The following HERPUD2 variants were observed in gnomAD, a reference collection of about 807,000 sequenced individuals.
HERPUD2 encodes the protein HERPUD family member 2.
In HERPUD2, 13 loss-of-function variants were observed where a neutral mutation model predicts 49.9. That is an observed-to-expected ratio of 0.26 (90% CI 0.17 to 0.41). HERPUD2 has a LOEUF of 0.41. Ranked by LOEUF, HERPUD2 falls within the 10% of genes least tolerant of loss-of-function variation. The probability of loss-of-function intolerance (pLI) is 1.00; values close to 1 mark genes in which losing one functional copy is unlikely to be tolerated. For synonymous variants in HERPUD2, 172 were observed against 171.4 expected (o/e 1.00, Z -0.03); for missense variants, 449 against 492.2 (o/e 0.91, Z 0.83).
rs750774026 is a variant in HERPUD2 at position 35,667,538 on chromosome 7, C to T, written c.390G>A (p.Leu130=). The T allele has an allele frequency of 1.2e-6, 2 of 1,613,648 alleles. No homozygotes were observed. Among genetic ancestry groups the T allele is most frequent in the Non-Finnish European group, 1.7e-6 (2 of 1,179,638 alleles). The change falls in exon 5 of 9, where the codon TTG becomes TTA. Residue 130 remains leucine (L), a synonymous_variant. Transcript: ENST00000311350. ...CTGAGGAAGAACCCACAGCTAAAGA[C>T]AAGGTTTCTTGACCAGATGATGGAG... The part of the protein sequence containing the change: ...STTPSSGQET[L]SLAVGSSSEG...
intron 2 of HERPUD2, among the ~76,000 whole-genome samples, chr7:35,683,030 C>T (rs2116024444): frequency 6.6e-6 from 1 of 152,144 alleles, no homozygotes; most frequent in East Asian, 1.9e-4. Flanking sequence ...CAATTCCCAT[C>T]AAAATACCAC....
intron 5 of HERPUD2, among the ~76,000 whole-genome samples, chr7:35,645,951 A>G (rs1785048177): frequency 6.6e-6 from 1 of 152,176 alleles, no homozygotes; most frequent in African/African-American, 2.4e-5. Context: ...ACTCACATGT[A>G]TTACCTCTTA....
At chr7:35,686,136 A>C (rs1349887829) in intron 2 of HERPUD2, among the ~76,000 whole-genome samples, 2 of 152,030 alleles carry the variant, frequency 1.3e-5, no homozygotes, top group African/African-American at 4.8e-5. Context: ...GACTTGTAAA[A>C]AGTAATATAA....
rs557816262 is a variant in HERPUD2 at position 35,669,547 on chromosome 7, C to A, written c.339+668G>T. Among the ~76,000 whole-genome samples the A allele has an allele frequency of 2.4e-4, 37 of 152,132 alleles. 1 individual carries two copies. The highest frequency in any genetic ancestry group is 1.2e-3 in the Admixed American group (18 of 15,290). The stretch of plus-strand genomic sequence containing the variant: ...GTCATAGAAAGCTTTTATGGGAAAT[C>A]AAAAATAACATAAAAGGATTGGGGA... On this transcript the variant is annotated intron_variant, in intron 4 of 8. Transcript: ENST00000311350.
intron 7 of HERPUD2, 144 bp from the exon 8 acceptor site, chr7:35,634,573 G>C (rs781036334): frequency 2.6e-4 from 146 of 553,132 alleles, no homozygotes; most frequent in Admixed American, 1.2e-3. Flanking sequence ...TCAGGACAGG[G>C]AACTACCCTT....
At chr7:35,691,538 G>A (rs1786187197) in intron 2 of HERPUD2, among the ~76,000 whole-genome samples, 1 of 152,044 alleles carries the variant, frequency 6.6e-6, no homozygotes, top group Non-Finnish European at 1.5e-5. Context: ...TACTTACTGG[G>A]GCACTCCTGT....
intron 3 of HERPUD2, 86 bp from the exon 4 acceptor site, chr7:35,670,414 A>T: frequency 2.0e-5 from 10 of 500,072 alleles, no homozygotes; most frequent in Non-Finnish European, 3.1e-5. Flanking sequence ...AATACCTAAA[A>T]CTTAGGTCCC....
chr7:35,657,787 C>T (rs377243473), intron 5 of HERPUD2, among the ~76,000 whole-genome samples: 10 of 150,538 alleles, frequency 6.6e-5, no homozygotes, highest in Middle Eastern at 6.8e-3. Flanking sequence ...GGTGCTGTGG[C>T]GGGCGCCTGT....
chr7:35,683,102 C>T (rs1430893670), intron 2 of HERPUD2, among the ~76,000 whole-genome samples: 3 of 152,016 alleles, frequency 2.0e-5, no homozygotes, highest in Non-Finnish European at 4.4e-5. Context: ...AAAGAAGAGC[C>T]CACATAGCCA....
At chr7:35,687,260 A>T (rs953939211) in intron 2 of HERPUD2, among the ~76,000 whole-genome samples, 4 of 152,162 alleles carry the variant, frequency 2.6e-5, no homozygotes, top group Non-Finnish European at 5.9e-5. Flanking sequence ...TTAAATTGTC[A>T]ATTTAAAGAT....
At chr7:35,649,097 A>C (rs930048083) in intron 5 of HERPUD2, among the ~76,000 whole-genome samples, 4 of 152,158 alleles carry the variant, frequency 2.6e-5, no homozygotes, top group African/African-American at 7.2e-5. Flanking sequence ...TAAAAATACA[A>C]AAAATTAGCC....
chr7:35,667,651 C>T, intron 4 of HERPUD2, 63 bp from the exon 5 acceptor site: 4 of 1,294,908 alleles, frequency 3.1e-6, no homozygotes, highest in Non-Finnish European at 4.4e-6. Flanking sequence ...AAATTACAGG[C>T]ACATTACTAA....
intron 5 of HERPUD2, among the ~76,000 whole-genome samples, chr7:35,644,751 A>T (rs528286141): frequency 6.6e-6 from 1 of 152,320 alleles, no homozygotes; most frequent in Admixed American, 6.5e-5. Flanking sequence ...TGGGGGAAAC[A>T]GTGAGGCTCT....
chr7:35,681,202 T>C (rs1785883146), intron 2 of HERPUD2, among the ~76,000 whole-genome samples: 1 of 152,250 alleles, frequency 6.6e-6, no homozygotes, highest in South Asian at 2.1e-4. Context: ...TAGTCAACTT[T>C]GAATAAATGA....
intron 4 of HERPUD2, 32 bp from the exon 5 acceptor site, chr7:35,667,620 A>G: frequency 6.5e-7 from 1 of 1,536,760 alleles, no homozygotes; most frequent in Non-Finnish European, 9.0e-7. Context: ...TTAAAAGGAG[A>G]TTTAGTTCTT....
In HERPUD2 at chr7:35,637,138, A is replaced by AAAAGAAAGAAAGAAAG. The variant is rs376749984; in HGVS notation, c.617+1196_617+1211dup. On this transcript the variant is annotated intron_variant, in intron 6 of 8. Transcript: ENST00000311350. The stretch of plus-strand genomic sequence containing the variant: ...ACAGAGTGAGACTCTGTCTCAAAAA[A>AAAAGAAAGAAAGAAAG]AAAGAAAGAAAGAAAGAAAGAAAGA... Among the ~76,000 whole-genome samples, 115 of 135,784 alleles carry AAAAGAAAGAAAGAAAG rather than the reference A, an allele frequency of 8.5e-4. 1 individual carries two copies. The highest frequency in any genetic ancestry group is 4.0e-3 in the East Asian group (19 of 4,696). 89.1% of individuals were successfully genotyped at this position (135,784 alleles called of 152,430 possible). A position where few individuals can be genotyped will look rare whatever the true frequency, so the allele number is the denominator to read the frequency against.
intron 2 of HERPUD2, among the ~76,000 whole-genome samples, chr7:35,684,891 T>C (rs564105364): frequency 6.6e-6 from 1 of 152,158 alleles, no homozygotes; most frequent in Non-Finnish European, 1.5e-5. Flanking sequence ...CAATAACCTA[T>C]GGAAATAAAA....
chr7:35,678,304 C>T (rs577666306), intron 2 of HERPUD2, among the ~76,000 whole-genome samples: 15 of 150,074 alleles, frequency 1.0e-4, no homozygotes, highest in Middle Eastern at 6.9e-3. Flanking sequence ...TTTGTTGTTG[C>T]TTTTTTTTTG....
intron 2 of HERPUD2, among the ~76,000 whole-genome samples, chr7:35,682,382 T>C (rs1183825394): frequency 7.4e-6 from 1 of 134,608 alleles, no homozygotes; most frequent in African/African-American, 2.8e-5. Flanking sequence ...TATATATATA[T>C]ATATACTTAA....
Sources: gnomAD v4.1 joint callset for allele counts (sites outside exome capture counted in the v4.1 genomes callset) on GRCh38, gnomAD v4.1.1 for gene constraint, MANE v1.5 for transcripts, NCBI Gene and HGNC (gene_info 2026-07-23, HGNC 2026-07-21) for gene names.